Variants in DLC1 observed in about 807,000 individuals in gnomAD.
DLC1 encodes rho GTPase-activating protein 7.
A neutral mutation model predicts 140.3 loss-of-function variants in DLC1; 54 were observed. The observed-to-expected ratio is 0.38, with a 90% CI of 0.31 to 0.48. The LOEUF (loss-of-function observed/expected upper bound fraction) is 0.48. DLC1 is among the 20% of genes least tolerant of loss of function. The pLI is 0.96. For missense variants in DLC1, 2,536 were observed against 1,907.0 expected, an observed-to-expected ratio of 1.33 and a Z score of -6.14; for synonymous variants, 986 against 728.1, an observed-to-expected ratio of 1.35 and a Z score of -5.70.
chr8:13,306,610 T>G (rs1165643918), intron 4 of DLC1, among the ~76,000 whole-genome samples: 1 of 151,252 alleles, frequency 6.6e-6, no homozygotes, highest in Non-Finnish European at 1.5e-5. Flanking sequence ...GAGGCCCAAG[T>G]GCAGCTCTGT....
chr8:13,487,880 C>T (rs907808406), intron 2 of DLC1, among the ~76,000 whole-genome samples: 1 of 152,150 alleles, frequency 6.6e-6, no homozygotes, highest in Non-Finnish European at 1.5e-5. Context: ...CTGAAAATCT[C>T]TTGTTTTACA....
intron 1 of DLC1, among the ~76,000 whole-genome samples, chr8:13,585,186 G>T (rs568871825): frequency 2.0e-4 from 30 of 152,278 alleles, no homozygotes; most frequent in Middle Eastern, 6.8e-3. Flanking sequence ...TATAATCAGA[G>T]ATCTTGGCAG....
intron 5 of DLC1, among the ~76,000 whole-genome samples, chr8:13,300,578 G>A (rs966426571): frequency 6.6e-6 from 1 of 152,154 alleles, no homozygotes. Flanking sequence ...GAAGTCCTTT[G>A]ATTTAGTTCA....
intron 5 of DLC1, among the ~76,000 whole-genome samples, chr8:13,284,484 G>T (rs112227980): frequency 0.051 from 7,773 of 152,124 alleles, 273 homozygotes; most frequent in South Asian, 0.084. Context: ...CTGAGATCGC[G>T]CCATTGCACT....
At chr8:13,599,059 G>A (rs1805777415) in intron 1 of DLC1, among the ~76,000 whole-genome samples, 1 of 151,754 alleles carries the variant, frequency 6.6e-6, no homozygotes, top group Admixed American at 6.6e-5. Flanking sequence ...AGTAGCAGAA[G>A]TAAATTAATA....
chr8:13,237,197 A>ATGTGTGTGTG (rs376660880), intron 5 of DLC1, among the ~76,000 whole-genome samples: 3 of 138,204 alleles, frequency 2.2e-5, no homozygotes, highest in African/African-American at 5.4e-5. Context: ...ATATATATAT[A>ATGTGTGTGTG]TGTGTGTGTG....
chr8:13,456,702 A>G (rs1344215387), intron 2 of DLC1, among the ~76,000 whole-genome samples: 4 of 152,078 alleles, frequency 2.6e-5, no homozygotes, highest in Non-Finnish European at 5.9e-5. Flanking sequence ...CAAATGATCC[A>G]CCTGCCTCAG....
At chr8:13,127,507 G>T (rs903979326) in intron 5 of DLC1, among the ~76,000 whole-genome samples, 1 of 152,192 alleles carries the variant, frequency 6.6e-6, no homozygotes, top group Non-Finnish European at 1.5e-5. Context: ...AGAACTGTAT[G>T]GAGATTGGAT....
intron 1 of DLC1, among the ~76,000 whole-genome samples, chr8:13,559,746 A>G (rs1804176443): frequency 6.6e-6 from 1 of 152,226 alleles, no homozygotes; most frequent in African/African-American, 2.4e-5. Context: ...CAAGGAAAAC[A>G]CAAAAGTATG....
intron 12 of DLC1, 109 bp from the exon 13 acceptor site, chr8:13,092,934 C>T (rs1438563643): frequency 1.2e-5 from 15 of 1,231,726 alleles, no homozygotes; most frequent in Non-Finnish European, 1.6e-5. Context: ...CAGTACTGAA[C>T]AAGCACTTGT....
chr8:13,574,810 C>A (rs762261034), intron 1 of DLC1, among the ~76,000 whole-genome samples: 6 of 152,092 alleles, frequency 3.9e-5, no homozygotes, highest in Non-Finnish European at 8.8e-5. Flanking sequence ...CAAATTCCAG[C>A]CTCAGAACTG....
At chr8:13,453,400 A>ATGTG (rs1166173314) in intron 2 of DLC1, among the ~76,000 whole-genome samples, 5 of 38,862 alleles carry the variant, frequency 1.3e-4, no homozygotes, top group Admixed American at 3.7e-4. Context: ...ATATATATAT[A>ATGTG]TGTGTATATA....
chr8:13,464,746 TTA>T (rs1177098652), intron 2 of DLC1, among the ~76,000 whole-genome samples: 16 of 130,928 alleles, frequency 1.2e-4, no homozygotes, highest in African/African-American at 4.4e-4. Context: ...GAATTTTAAA[TTA>T]TATATATATA....
At chr8:13,289,589 C>T (rs892773870) in intron 5 of DLC1, among the ~76,000 whole-genome samples, 91 of 152,284 alleles carry the variant, frequency 6.0e-4, no homozygotes, top group African/African-American at 2.1e-3. Context: ...CCTTGGCCTT[C>T]CAAATTGTTG....
At chr8:13,119,829 C>T (rs568370298) in intron 5 of DLC1, among the ~76,000 whole-genome samples, 1 of 151,716 alleles carries the variant, frequency 6.6e-6, no homozygotes, top group East Asian at 1.9e-4. Flanking sequence ...TGCCTGTATT[C>T]GCAGCTACTC....
chr8:13,418,066 T>G (rs1259682676), intron 2 of DLC1, among the ~76,000 whole-genome samples: 1 of 152,134 alleles, frequency 6.6e-6, no homozygotes, highest in African/African-American at 2.4e-5. Context: ...GGGTGGTTTG[T>G]TTTTTTCTTG....
intron 2 of DLC1, among the ~76,000 whole-genome samples, chr8:13,462,513 C>T (rs983572811): frequency 6.6e-6 from 1 of 151,568 alleles, no homozygotes; most frequent in Non-Finnish European, 1.5e-5. Flanking sequence ...ACGCCATTCT[C>T]CTGCCCCAGC....
chr8:13,245,063 A>G (rs1829707257), intron 5 of DLC1, among the ~76,000 whole-genome samples: 1 of 152,152 alleles, frequency 6.6e-6, no homozygotes, highest in Non-Finnish European at 1.5e-5. Flanking sequence ...AACAGAATGT[A>G]GCTGTGTGAT....
chr8:13,097,379 T>A (rs1012659602), intron 10 of DLC1, among the ~76,000 whole-genome samples: 1 of 152,084 alleles, frequency 6.6e-6, no homozygotes, highest in Admixed American at 6.6e-5. Context: ...TTCTCATGCC[T>A]CAGCTTCCTG....
Sources: allele counts gnomAD v4.1 joint callset (sites outside exome capture counted in the v4.1 genomes callset), GRCh38; gene constraint gnomAD v4.1.1; transcripts MANE v1.5; gene names NCBI Gene and HGNC (gene_info 2026-07-23, HGNC 2026-07-21).